Variants in LPL observed in about 807,000 individuals in gnomAD.
The protein encoded by LPL is lipoprotein lipase, also known as phospholipase A1.
In LPL, 43 loss-of-function variants were observed where a neutral mutation model predicts 52.2. The observed-to-expected ratio is 0.82, with a 90% CI of 0.64 to 1.06. The LOEUF (loss-of-function observed/expected upper bound fraction) is 1.06. Among genes scored for constraint, LPL ranks in the 50% least tolerant of loss-of-function variants. The pLI is 0.00. For missense variants in LPL, 639 were observed against 585.3 expected (o/e 1.09, Z -0.95); for synonymous variants, 244 against 215.6 (o/e 1.13, Z -1.15).
Position 19,947,228 on chromosome 8 carries a change from G to A in LPL, c.89-952G>A, listed in dbSNP as rs555540054. ...ATTATTTTATTAAAAATAGAGGCCC[G>A]GCCCGATGGCTCACACTGGTAATCC... On this transcript the variant is annotated intron_variant, in intron 1 of 9. Coordinates refer to ENST00000650287, the MANE Select transcript of LPL (RefSeq NM_000237.3). Among the ~76,000 whole-genome samples, 12 of 152,064 alleles carry A rather than the reference G, an allele frequency of 7.9e-5. No homozygotes were observed. In the South Asian group the frequency reaches 1.0e-3, roughly 13 times the overall value.
intron 1 of LPL, among the ~76,000 whole-genome samples, chr8:19,946,936 T>C (rs2069886366): frequency 1.3e-5 from 2 of 152,224 alleles, no homozygotes; most frequent in Non-Finnish European, 1.5e-5. Flanking sequence ...GGATTAACTA[T>C]GAAGAACCAA....
intron 9 of LPL, among the ~76,000 whole-genome samples, chr8:19,964,658 A>T (rs1001611902): frequency 6.6e-6 from 1 of 152,122 alleles, no homozygotes; most frequent in Non-Finnish European, 1.5e-5. Flanking sequence ...CCTGACAAGT[A>T]GCTGGGATTA....
Position 19,966,759 on chromosome 8 carries a change from G to T in LPL, c.*1449G>T, listed in dbSNP as rs2070093312. On this transcript the variant is annotated 3_prime_UTR_variant, in exon 10 of 10. Transcript: ENST00000650287. ...CAGAACTTCGACCCTTTCTCTGAGA[G>T]AGATGATCGTGCCTATAAATAGTAG... 6.6e-6 allele frequency: 1 copy of T among 152,196 alleles called. No individual in the cohort carries two copies. The highest frequency in any genetic ancestry group is 1.5e-5 in the Non-Finnish European group (1 of 68,036). The allele number at this position is 152,196 out of a possible 1,614,324, so 9.4% of individuals were successfully genotyped here.
chr8:19,940,411 T>C (rs2069825289), intron 1 of LPL, among the ~76,000 whole-genome samples: 2 of 152,164 alleles, frequency 1.3e-5, no homozygotes, highest in Non-Finnish European at 2.9e-5. Flanking sequence ...GCACGTGGGG[T>C]TGACGGGCGC....
At position 19,965,659 on chromosome 8, in the gene LPL, T is replaced by G. The variant is rs1210250661; in HGVS notation, c.*349T>G. The G allele has an allele frequency of 4.2e-6, 1 of 237,318 alleles. No homozygotes were observed. Among genetic ancestry groups the G allele is most frequent in the Non-Finnish European group, 8.2e-6 (1 of 122,644 alleles). The allele number at this position is 237,318 out of a possible 1,614,324, so 14.7% of individuals were successfully genotyped here. A position where few individuals can be genotyped will look rare whatever the true frequency, so the allele number is the denominator to read the frequency against. ...GGCGTATTGGGCCATAGCCTATAAT[T>G]GGTTAGAACCTCCTATTTTAATTGG... On this transcript the variant is annotated 3_prime_UTR_variant, in exon 10 of 10. Coordinates refer to ENST00000650287, the MANE Select transcript of LPL (RefSeq NM_000237.3).
chr8:19,948,120 T>A, intron 1 of LPL, 60 bp from the exon 2 acceptor site: 1 of 1,549,598 alleles, frequency 6.5e-7, no homozygotes, highest in South Asian at 1.1e-5. Flanking sequence ...AACATATCAT[T>A]CCAATGAATA....
intron 9 of LPL, among the ~76,000 whole-genome samples, chr8:19,964,123 C>A (rs964919382): frequency 6.6e-6 from 1 of 151,844 alleles, no homozygotes; most frequent in Non-Finnish European, 1.5e-5. Flanking sequence ...TGGCTAATTT[C>A]GTATTTTTAG....
chr8:19,958,534 C>T (rs561516095), intron 6 of LPL, among the ~76,000 whole-genome samples: 1 of 152,082 alleles, frequency 6.6e-6, no homozygotes, highest in South Asian at 2.1e-4. Context: ...TCCTTGTGGC[C>T]TCACTGATGG....
In LPL at chr8:19,944,960, CTCCTTCCTTCCCCTTCCCCTTCTTCCT is replaced by C. The variant is rs1321157591; in HGVS notation, c.89-3208_89-3182del. 6.6e-6 allele frequency among the ~76,000 whole-genome samples: 1 copy of C among 151,958 alleles called. No individual in the cohort carries two copies. The highest frequency in any genetic ancestry group is 1.5e-5 in the Non-Finnish European group (1 of 67,978). On this transcript the variant is annotated intron_variant, in intron 1 of 9. Transcript: ENST00000650287. The surrounding 1 kb of genome is among the most constrained non-coding windows in gnomAD (Gnocchi z 4.2). ...AGAATGAAGGCCTGCCTTTCCTTCC[CTCCTTCCTTCCCCTTCCCCTTCTTCCT>C]TCCTTCCTTCCTTCCCTCCATCCCT...
At position 19,948,304 on chromosome 8, in the gene LPL, C is replaced by G. The variant is rs11542065; in HGVS notation, c.213C>G (p.His71Gln). ...AESVATCHFN[H>Q]SSKTFMVIHG... ...CCGTGGCTACCTGTCATTTCAATCA[C>G]AGCAGCAAAACCTTCATGGTGATCC... The change falls in exon 2 of 10, where the codon CAC becomes CAG. Residue 71 changes from histidine (H) to glutamine (Q), a missense_variant. His to Gln is a conservative substitution (Grantham distance 24). Coordinates refer to ENST00000650287, the MANE Select transcript of LPL (RefSeq NM_000237.3). 962 of 1,614,130 alleles carry G rather than the reference C, an allele frequency of 6.0e-4. 3 individuals carry two copies. In the African/African-American group the frequency reaches 0.012, roughly 20 times the overall value.
rs2070046983 is a variant in LPL, at chr8:19,962,286, C to A, written c.1427+67C>A. On this transcript the variant is annotated intron_variant, in intron 9 of 9. Transcript: ENST00000650287. ...GCACCCTAAGGGAGGCAGCTTCATG[C>A]ATTCCTCTTCACCCCATCACCAGCA... The A allele has an allele frequency of 2.6e-5, 30 of 1,148,408 alleles. 1 individual carries two copies. In the South Asian group the frequency reaches 3.6e-4, roughly 14 times the overall value. The allele number at this position is 1,148,408 out of a possible 1,614,324, so 71.1% of individuals were successfully genotyped here.
At chr8:19,958,638 TTAG>T (rs1193232440) in intron 6 of LPL, among the ~76,000 whole-genome samples, 1 of 152,216 alleles carries the variant, frequency 6.6e-6, no homozygotes, top group Non-Finnish European at 1.5e-5. Context: ...AGTAAGTTCT[TTAG>T]TAGTGATTTG....
chr8:19,939,430 C>G lies in LPL; in HGVS notation c.-11C>G. On this transcript the variant is annotated 5_prime_UTR_variant, in exon 1 of 10. Coordinates refer to ENST00000650287, the MANE Select transcript of LPL (RefSeq NM_000237.3). This position sits in a 1 kb window ranked among gnomAD's most constrained non-coding sequence, Gnocchi z 4.0. The stretch of plus-strand genomic sequence containing the variant: ...GCGCCTTGCAGCTCCTCCAGAGGGA[C>G]GCGCCCCGAGATGGAGAGCAAAGCC... The G allele has an allele frequency of 3.1e-6, 5 of 1,603,370 alleles. No individual in the cohort carries two copies. Among genetic ancestry groups the G allele is most frequent in the Non-Finnish European group, 4.3e-6 (5 of 1,175,622 alleles).
intron 3 of LPL, among the ~76,000 whole-genome samples, chr8:19,952,233 T>C (rs1297616720): frequency 6.6e-6 from 1 of 152,210 alleles, no homozygotes; most frequent in Non-Finnish European, 1.5e-5. Context: ...AAAAAGCTTG[T>C]GATTTTCGGA....
At chr8:19,947,982 G>A (rs899951089) in intron 1 of LPL, among the ~76,000 whole-genome samples, 198 bp from the exon 2 acceptor site, 1 of 152,174 alleles carries the variant, frequency 6.6e-6, no homozygotes, top group Non-Finnish European at 1.5e-5. Context: ...TTAATTCAGA[G>A]TTAAGGTTGT....
intron 6 of LPL, 91 bp downstream of exon 6, chr8:19,956,174 C>T: frequency 2.6e-6 from 4 of 1,560,564 alleles, no homozygotes; most frequent in Non-Finnish European, 3.5e-6. Flanking sequence ...TCCATTGGAA[C>T]AGAGATGATG....
At position 19,959,777 on chromosome 8, in the gene LPL, C is replaced by CTTTTTTTTTTTTTTTTTTT. The variant is rs71205952; in HGVS notation, c.1139+408_1139+426dup. ...AGAAGTCCATGACAAAGTGTTAGCT[C>CTTTTTTTTTTTTTTTTTTT]TTTTTTTTTTTTTTTTTTTTTTTTT... On this transcript the variant is annotated intron_variant, in intron 7 of 9. Coordinates refer to ENST00000650287, the MANE Select transcript of LPL (RefSeq NM_000237.3). Among the ~76,000 whole-genome samples, 30 of 65,132 alleles carry CTTTTTTTTTTTTTTTTTTT rather than the reference C, an allele frequency of 4.6e-4. 5 individuals carry two copies. The highest frequency in any genetic ancestry group is 1.5e-3 in the East Asian group (3 of 1,962). The allele number at this position is 65,132 out of a possible 152,430, so 42.7% of individuals were successfully genotyped here.
intron 6 of LPL, among the ~76,000 whole-genome samples, chr8:19,958,576 T>A (rs901487241): frequency 2.0e-4 from 29 of 148,706 alleles, no homozygotes; most frequent in African/African-American, 6.0e-4. Flanking sequence ...TTAAAAAAAA[T>A]TTTATTTATT....
Position 19,959,348 on chromosome 8 carries a change from C to T in LPL, c.1107C>T (p.Thr369=), listed in dbSNP as rs200121996. The T allele has an allele frequency of 2.2e-5, 35 of 1,614,102 alleles. No individual in the cohort carries two copies. The highest frequency in any genetic ancestry group is 2.7e-5 in the African/African-American group (2 of 75,042). Reference sequence around the variant, plus strand: ...CCTTTGAGATTTCTCTGTATGGCACCGTGGCCGAGAGTGAGAACATCCCAT... The same window carrying T: ...CCTTTGAGATTTCTCTGTATGGCACTGTGGCCGAGAGTGAGAACATCCCAT... ...NQAFEISLYG[T]VAESENIPFT... is the part of the protein sequence containing the mutation. Residue 369 remains threonine (T), a synonymous_variant, in exon 7 of 10, where the codon ACC becomes ACT. Transcript: ENST00000650287.
Sources: gnomAD v4.1 joint callset for allele counts (sites outside exome capture counted in the v4.1 genomes callset) on GRCh38, gnomAD v4.1.1 for gene constraint, Gnocchi (gnomAD v3.1) non-coding constraint, MANE v1.5 for transcripts, NCBI Gene and HGNC (gene_info 2026-07-23, HGNC 2026-07-21) for gene names.